Variants in SLC36A1 observed in about 807,000 individuals in gnomAD.
The protein encoded by SLC36A1 is solute carrier family 36 member 1, also known as proton-coupled amino acid transporter 1.
Under a neutral mutation model 47.5 loss-of-function variants are expected in SLC36A1, and 30 were observed. The observed-to-expected ratio is 0.63, with a 90% confidence interval of 0.47 to 0.86. SLC36A1 has a LOEUF of 0.86. Among genes scored for constraint, SLC36A1 ranks in the 40% least tolerant of loss-of-function variants. SLC36A1 has a pLI of 0.00. For synonymous variants in SLC36A1, 255 were observed against 249.7 expected, an observed-to-expected ratio of 1.02 and a Z score of -0.20; for missense variants, 517 against 606.0, an observed-to-expected ratio of 0.85 and a Z score of 1.54.
At chr5:151,374,278 C>T in the SLC36A1 span, among the ~76,000 whole-genome samples, 1 of 152,224 alleles carries the variant, frequency 6.6e-6, no homozygotes, top group African/African-American at 2.4e-5. Flanking sequence ...CCTGTCCTGT[C>T]CTCACTTGGG....
At chr5:151,444,270 C>T (rs1220492663), upstream of SLC36A1, among the ~76,000 whole-genome samples, 2 of 152,066 alleles carry the variant, frequency 1.3e-5, no homozygotes, top group African/African-American at 2.4e-5. Flanking sequence ...ATGGACATTT[C>T]CACAATGTTA....
Position 151,473,700 on chromosome 5 carries a change from T to G in SLC36A1, c.751T>G (p.Leu251Val), listed in dbSNP as rs1350595918. 6.2e-7 allele frequency: 1 copy of G among 1,613,602 alleles called. No homozygotes were observed. The highest frequency in any genetic ancestry group is 2.2e-5 in the East Asian group (1 of 44,894). Residue 251 changes from leucine to valine, a missense_variant, in exon 8 of 11, where the codon TTG (leucine) becomes GTG (valine). By Grantham distance (32) the Leu-to-Val change is conservative (BLOSUM62 1). Coordinates refer to ENST00000243389, the MANE Select transcript of SLC36A1 (RefSeq NM_078483.4). ...QRIPDPSHLP[L>V]VAPWKTYPLF... ...GATCCCAGACCCCAGCCACCTCCCC[T>G]TGGTGGCCCCTTGGAAGACCTACCC... is the stretch of plus-strand genomic sequence containing the variant.
the SLC36A1 span, among the ~76,000 whole-genome samples, chr5:151,401,714 G>A: frequency 6.6e-6 from 1 of 152,058 alleles, no homozygotes; most frequent in Non-Finnish European, 1.5e-5. Flanking sequence ...AGTTCTCCTT[G>A]TAGAAACCAT....
the SLC36A1 span, chr5:151,510,161 T>C: frequency 6.2e-7 from 1 of 1,614,056 alleles, no homozygotes; most frequent in Admixed American, 1.7e-5. Context: ...GTGGGGGACA[T>C]TTGCAGACAT....
chr5:151,480,575 C>G (rs1209845761), intron 10 of SLC36A1, among the ~76,000 whole-genome samples: 2 of 152,194 alleles, frequency 1.3e-5, no homozygotes, highest in Non-Finnish European at 2.9e-5. Context: ...CTGTTGAAAG[C>G]CAGCTGCTGT....
the SLC36A1 span, chr5:151,347,668 G>A: frequency 3.4e-6 from 2 of 592,094 alleles, no homozygotes; most frequent in Admixed American, 3.0e-5. Flanking sequence ...CTCCTGGGAA[G>A]AGGAGGAGAG....
At chr5:151,371,134 C>T in the SLC36A1 span, among the ~76,000 whole-genome samples, 1 of 152,000 alleles carries the variant, frequency 6.6e-6, no homozygotes, top group Non-Finnish European at 1.5e-5. Flanking sequence ...TGTCTCCAGA[C>T]ATTGAAAAAT....
the SLC36A1 span, among the ~76,000 whole-genome samples, chr5:151,515,882 C>T: frequency 1.3e-5 from 2 of 152,162 alleles, no homozygotes. Flanking sequence ...CTGCTCAAAA[C>T]CTTCTAATGC....
the SLC36A1 span, chr5:151,382,313 C>A: frequency 9.4e-7 from 1 of 1,063,344 alleles, no homozygotes; most frequent in Non-Finnish European, 1.4e-6. Context: ...ACAGTCGCCT[C>A]AGCAGCCTCA....
chr5:151,537,333 G>A, the SLC36A1 span, among the ~76,000 whole-genome samples: 3 of 71,872 alleles, frequency 4.2e-5, no homozygotes, highest in Non-Finnish European at 1.2e-4. Flanking sequence ...AAAAAAGAAA[G>A]AAAAGAAAAG....
At position 151,462,766 on chromosome 5, in the gene SLC36A1, G is replaced by T. The variant is rs115412324; in HGVS notation, c.144-787G>T. Reference sequence around the variant, plus strand: ...TCACTTTGTATCTTTCTGTTACAGGGTTTGGGGCTTCTGTTATTATTATTA... The same window carrying T: ...TCACTTTGTATCTTTCTGTTACAGGTTTTGGGGCTTCTGTTATTATTATTA... On this transcript the variant is annotated intron_variant, in intron 2 of 10. Transcript: ENST00000243389. 3.9e-3 allele frequency among the ~76,000 whole-genome samples: 591 copies of T among 151,122 alleles called. 3 individuals carry two copies. Among genetic ancestry groups the T allele is most frequent in the African/African-American group, 0.013 (511 of 40,672 alleles).
chr5:151,472,461 C>T (rs573817563), intron 7 of SLC36A1, among the ~76,000 whole-genome samples: 3 of 152,368 alleles, frequency 2.0e-5, no homozygotes, highest in South Asian at 2.1e-4. Context: ...ACTTTGCCTC[C>T]TTCAGTGCAA....
the SLC36A1 span, among the ~76,000 whole-genome samples, chr5:151,428,032 C>T: frequency 3.2e-3 from 490 of 152,204 alleles, 2 homozygotes; most frequent in African/African-American, 0.011. Flanking sequence ...CTCCTGACCC[C>T]GGTCCCCCAG....
At chr5:151,485,832 G>A (rs1352110698) in intron 10 of SLC36A1, among the ~76,000 whole-genome samples, 2 of 152,210 alleles carry the variant, frequency 1.3e-5, no homozygotes, top group African/African-American at 4.8e-5. Context: ...GCTGTCCATT[G>A]CAGCAGCCAC....
At chr5:151,503,870 G>A in the SLC36A1 span, among the ~76,000 whole-genome samples, 15 of 152,176 alleles carry the variant, frequency 9.9e-5, no homozygotes, top group Non-Finnish European at 1.5e-4. Context: ...ACTGCAGACA[G>A]TTGTATCAGA....
At chr5:151,492,878 C>T (rs1760223260), downstream of SLC36A1, among the ~76,000 whole-genome samples, 2 of 152,214 alleles carry the variant, frequency 1.3e-5, no homozygotes, top group South Asian at 4.1e-4. Flanking sequence ...GAAATTCTGC[C>T]TCCAGACTGC....
chr5:151,479,629 T>C lies in SLC36A1; in HGVS notation c.1159+140T>C, dbSNP rs965099693. The C allele has an allele frequency of 1.1e-5, 10 of 913,612 alleles. No individual in the cohort carries two copies. In the African/African-American group the frequency reaches 1.7e-4, roughly 15 times the overall value. 56.6% of individuals were successfully genotyped at this position (913,612 alleles called of 1,614,324 possible). A position where few individuals can be genotyped will look rare whatever the true frequency, so the allele number is the denominator to read the frequency against. Reference sequence around the variant, plus strand: ...GAGAACCTGGCCCATGGCCTCACTTTCAGAGTTGAGGCACCTCCAGATGGG... The same window carrying C: ...GAGAACCTGGCCCATGGCCTCACTTCCAGAGTTGAGGCACCTCCAGATGGG... On this transcript the variant is annotated intron_variant, in intron 10 of 10. Transcript: ENST00000243389.
At chr5:151,512,251 G>A in the SLC36A1 span, 2 of 1,614,096 alleles carry the variant, frequency 1.2e-6, no homozygotes, top group African/African-American at 2.7e-5. The surrounding 1 kb of genome is among the most constrained non-coding windows in gnomAD (Gnocchi z 4.1). Flanking sequence ...CTGGGTGAGG[G>A]CTTGTGTCTC....
intron 10 of SLC36A1, among the ~76,000 whole-genome samples, chr5:151,480,699 T>A (rs1340717855): frequency 6.6e-6 from 1 of 152,232 alleles, no homozygotes; most frequent in Non-Finnish European, 1.5e-5. Context: ...TCCTATCTTG[T>A]GCCAGTAACT....
Sources: allele counts gnomAD v4.1 joint callset (sites outside exome capture counted in the v4.1 genomes callset), GRCh38; gene constraint gnomAD v4.1.1; non-coding constraint Gnocchi (gnomAD v3.1); transcripts MANE v1.5; gene names NCBI Gene and HGNC (gene_info 2026-07-23, HGNC 2026-07-21).